The following NLRP11 variants were observed in gnomAD, a reference collection of about 807,000 sequenced individuals.
NLRP11 encodes the protein NACHT, LRR and PYD domains-containing protein 11.
In NLRP11, 53 loss-of-function variants were observed where a neutral mutation model predicts 79.3. The observed-to-expected ratio is 0.67, with a 90% CI of 0.54 to 0.84. The LOEUF (loss-of-function observed/expected upper bound fraction) is 0.84, where lower values mean the gene tolerates loss of function less well. Among genes scored for constraint, NLRP11 ranks in the 40% least tolerant of loss-of-function variants. NLRP11 has a pLI of 0.00. For synonymous variants in NLRP11, 518 were observed against 462.6 expected, an observed-to-expected ratio of 1.12 and a Z score of -1.54; for missense variants, 1,264 against 1,255.0, an observed-to-expected ratio of 1.01 and a Z score of -0.11.
intron 8 of NLRP11, 59 bp downstream of exon 8, chr19:55,789,170 G>A (rs1990086984): frequency 2.0e-6 from 3 of 1,524,398 alleles, no homozygotes; most frequent in Non-Finnish European, 2.7e-6. Context: ...ACTTCCTCTT[G>A]TGCTTTTCTT....
chr19:55,803,587 A>G (rs1244822557), intron 4 of NLRP11, among the ~76,000 whole-genome samples: 2 of 152,200 alleles, frequency 1.3e-5, no homozygotes, highest in Admixed American at 6.5e-5. Context: ...ACCCGCATCT[A>G]TAAGGAACTT....
chr19:55,788,499 G>A (rs774093808), intron 9 of NLRP11, among the ~76,000 whole-genome samples: 5 of 151,004 alleles, frequency 3.3e-5, no homozygotes, highest in Admixed American at 6.6e-5. Flanking sequence ...CCAGCACTTC[G>A]GGAGGCCAAG....
intron 2 of NLRP11, among the ~76,000 whole-genome samples, chr19:55,815,186 T>C (rs1980980475): frequency 1.3e-5 from 2 of 152,170 alleles, no homozygotes; most frequent in African/African-American, 4.8e-5. Flanking sequence ...AACATTCATA[T>C]GCACCCCTAT....
chr19:55,834,744 C>G (rs185934378), upstream of NLRP11, among the ~76,000 whole-genome samples: 5 of 152,246 alleles, frequency 3.3e-5, no homozygotes, highest in East Asian at 9.6e-4. Flanking sequence ...TAAATGGTGA[C>G]CTAGTCATAC....
chr19:55,809,456 G>T lies in NLRP11; in HGVS notation c.1154C>A (p.Thr385Asn). 2 of 1,614,198 alleles carry T rather than the reference G, an allele frequency of 1.2e-6. No individual in the cohort carries two copies. The highest frequency in any genetic ancestry group is 1.7e-6 in the Non-Finnish European group (2 of 1,180,034). The change falls in exon 3 of 10, where the codon ACT becomes AAT. Residue 385 changes from threonine to asparagine, a missense_variant. Physicochemically the swap from Thr to Asn is moderately conservative, Grantham distance 65. Coordinates refer to ENST00000589093, the Ensembl canonical transcript of NLRP11. The surrounding 1 kb of genome is among the most constrained non-coding windows in gnomAD (Gnocchi z 4.5). The stretch of plus-strand genomic sequence containing the variant: ...GAGACCTAGGTGATACTGATTGGCA[G>T]TAAGTCCAGCCTCTGATGTCAACGC...
intron 1 of NLRP11, among the ~76,000 whole-genome samples, chr19:55,829,249 G>A (rs1426877751): frequency 6.6e-6 from 1 of 151,174 alleles, no homozygotes; most frequent in African/African-American, 2.4e-5. Context: ...TAGGCATAAA[G>A]CTTATGGAAT....
exon 3 of NLRP11, chr19:55,808,933 C>T (rs1452847573): frequency 6.2e-7 from 1 of 1,614,104 alleles, no homozygotes; most frequent in Admixed American, 1.7e-5. Context: ...CCACAATCGT[C>T]TTCACAAATT....
intron 9 of NLRP11, among the ~76,000 whole-genome samples, chr19:55,787,803 G>A (rs1469710948): frequency 6.6e-6 from 1 of 152,202 alleles, no homozygotes; most frequent in African/African-American, 2.4e-5. Flanking sequence ...GTTTCTTGCT[G>A]ATAACTGAGG....
chr19:55,836,081 G>C (rs768727068), upstream of NLRP11, among the ~76,000 whole-genome samples: 20 of 152,154 alleles, frequency 1.3e-4, no homozygotes, highest in South Asian at 6.2e-4. Flanking sequence ...CCGAGATGAC[G>C]CCACTGCACT....
At chr19:55,796,384 T>C (rs1208632475) in intron 5 of NLRP11, 134 bp from the exon 6 acceptor site, 1 of 736,472 alleles carries the variant, frequency 1.4e-6, no homozygotes, top group East Asian at 2.7e-5. Context: ...ATCCCTTTGC[T>C]TCTAACCTTT....
At chr19:55,834,796 T>C (rs542587807), upstream of NLRP11, among the ~76,000 whole-genome samples, 4 of 152,168 alleles carry the variant, frequency 2.6e-5, no homozygotes, top group Non-Finnish European at 5.9e-5. Flanking sequence ...GAACCGCAGC[T>C]ATAACAAACT....
chr19:55,829,457 G>A (rs1000828142), intron 1 of NLRP11, among the ~76,000 whole-genome samples: 35 of 152,106 alleles, frequency 2.3e-4, no homozygotes, highest in Middle Eastern at 3.4e-3. Context: ...GAGGTCAGGA[G>A]ATCGAGACCC....
intron 5 of NLRP11, among the ~76,000 whole-genome samples, chr19:55,798,869 T>C (rs1979202933): frequency 6.6e-6 from 1 of 152,244 alleles, no homozygotes. Flanking sequence ...GCTGAAGTAC[T>C]GCAGATAGGT....
At chr19:55,803,270 C>G (rs927147153) in intron 4 of NLRP11, among the ~76,000 whole-genome samples, 1 of 152,066 alleles carries the variant, frequency 6.6e-6, no homozygotes, top group African/African-American at 2.4e-5. Context: ...GCACTTGAAC[C>G]TGGGAGGCGG....
chr19:55,822,783 T>C lies in NLRP11; in HGVS notation c.-62-4547A>G, dbSNP rs1981897449. 2.0e-5 allele frequency among the ~76,000 whole-genome samples: 3 copies of C among 152,078 alleles called. No homozygotes were observed. In the South Asian group the frequency reaches 6.2e-4, roughly 32 times the overall value. On this transcript the variant is annotated intron_variant, in intron 1 of 9. Coordinates refer to ENST00000589093, the Ensembl canonical transcript of NLRP11. ...TCCTATGCCCACGGAGTCTCGCTGATTGCTAGCACAGCAGTCTGAGATCAA... is the reference window on the plus strand; with the variant it reads ...TCCTATGCCCACGGAGTCTCGCTGACTGCTAGCACAGCAGTCTGAGATCAA...
chr19:55,796,379 T>G (rs1043676079), intron 5 of NLRP11, 129 bp from the exon 6 acceptor site: 15 of 764,504 alleles, frequency 2.0e-5, no homozygotes, highest in Non-Finnish European at 2.9e-5. Context: ...AATAGATCCC[T>G]TTGCTTCTAA....
chr19:55,790,779 T>C (rs1046237467), intron 7 of NLRP11, among the ~76,000 whole-genome samples: 2 of 152,090 alleles, frequency 1.3e-5, no homozygotes, highest in African/African-American at 2.4e-5. Context: ...CCGGGCAATA[T>C]AGCAAAACCC....
chr19:55,802,535 C>T (rs1447772911), intron 4 of NLRP11, among the ~76,000 whole-genome samples: 2 of 152,170 alleles, frequency 1.3e-5, no homozygotes, highest in African/African-American at 4.8e-5. Context: ...ATGGAAAAAA[C>T]ATTCCATGCT....
At chr19:55,834,901 C>A (rs116508189), upstream of NLRP11, among the ~76,000 whole-genome samples, 6,446 of 152,172 alleles carry the variant, frequency 0.042, 149 homozygotes, top group Middle Eastern at 0.068. Context: ...AAACATATCT[C>A]TTAGGGGAAC....
Sources: allele counts gnomAD v4.1 joint callset (sites outside exome capture counted in the v4.1 genomes callset), GRCh38; gene constraint gnomAD v4.1.1; non-coding constraint Gnocchi (gnomAD v3.1); transcripts MANE v1.5; gene names NCBI Gene and HGNC (gene_info 2026-07-23, HGNC 2026-07-21).